MACROD2: variants seen among roughly 807,000 people sequenced by gnomAD.
The protein encoded by MACROD2 is ADP-ribose glycohydrolase MACROD2.
MACROD2 carries 36 observed loss-of-function variants against 70.4 expected under a neutral mutation model. The observed-to-expected ratio is 0.51, with a 90% confidence interval of 0.39 to 0.68. The LOEUF (loss-of-function observed/expected upper bound fraction) is 0.68. MACROD2 is among the 30% of genes least tolerant of loss of function. MACROD2 has a pLI of 0.00. For missense variants in MACROD2, 496 were observed against 538.4 expected, an observed-to-expected ratio of 0.92 and a Z score of 0.78; for synonymous variants, 172 against 178.8, an observed-to-expected ratio of 0.96 and a Z score of 0.30.
chr20:14,571,648 T>C (rs1980200606), intron 4 of MACROD2, among the ~76,000 whole-genome samples: 2 of 152,102 alleles, frequency 1.3e-5, no homozygotes, highest in South Asian at 4.1e-4. Flanking sequence ...TTAAGCATTT[T>C]TAATATTCCA....
chr20:14,243,515 A>G (rs1217038246), intron 3 of MACROD2, among the ~76,000 whole-genome samples: 2 of 152,180 alleles, frequency 1.3e-5, no homozygotes, highest in East Asian at 1.9e-4. Flanking sequence ...TCTCTTCTTT[A>G]TATCAGATTA....
intron 5 of MACROD2, among the ~76,000 whole-genome samples, chr20:14,716,811 G>C (rs1189242092): frequency 6.6e-6 from 1 of 151,992 alleles, no homozygotes; most frequent in African/African-American, 2.4e-5. Context: ...GCTGATGAAC[G>C]AGACTAGCTT....
Position 15,869,238 on chromosome 20 carries a change from T to TATATATATAG in MACROD2, c.727+6413_727+6414insTATATATAGA. On this transcript the variant is annotated intron_variant, in intron 9 of 17. Coordinates refer to ENST00000684519, the MANE Select transcript of MACROD2 (RefSeq NM_001351661.2). The stretch of plus-strand genomic sequence containing the variant: ...ATATATATATATATATATATATATA[T>TATATATATAG]AGAGAGAGAGAGAGAGAGAGAGAGA... Among the ~76,000 whole-genome samples the TATATATATAG allele has an allele frequency of 1.2e-3, 35 of 28,292 alleles. 1 individual carries two copies. Among genetic ancestry groups the TATATATATAG allele is most frequent in the Non-Finnish European group, 1.8e-3 (24 of 13,030 alleles). 18.6% of individuals were successfully genotyped at this position (28,292 alleles called of 152,430 possible).
At chr20:15,376,281 A>G (rs2146269459) in intron 6 of MACROD2, among the ~76,000 whole-genome samples, 1 of 152,332 alleles carries the variant, frequency 6.6e-6, no homozygotes, top group East Asian at 1.9e-4. Context: ...AGAAAAGTAT[A>G]TAAATATCAG....
At chr20:15,832,593 A>T (rs576870433) in intron 8 of MACROD2, among the ~76,000 whole-genome samples, 2 of 152,194 alleles carry the variant, frequency 1.3e-5, no homozygotes, top group African/African-American at 2.4e-5. Flanking sequence ...ACACCCATAC[A>T]TATTCCCGTT....
At chr20:15,123,501 A>T (rs1017064176) in intron 5 of MACROD2, among the ~76,000 whole-genome samples, 7 of 152,236 alleles carry the variant, frequency 4.6e-5, no homozygotes. Flanking sequence ...TTAGTATATA[A>T]TAATAATGTA....
chr20:15,792,689 A>G (rs1012192501), intron 8 of MACROD2, among the ~76,000 whole-genome samples: 1 of 152,210 alleles, frequency 6.6e-6, no homozygotes, highest in Non-Finnish European at 1.5e-5. Flanking sequence ...ATCCAGAAAA[A>G]TAGCCACTGT....
At chr20:14,755,480 C>T (rs2071928235) in intron 5 of MACROD2, among the ~76,000 whole-genome samples, 1 of 152,080 alleles carries the variant, frequency 6.6e-6, no homozygotes, top group African/African-American at 2.4e-5. Flanking sequence ...CTGAGAACTG[C>T]AGCCCTCATG....
In MACROD2 at chr20:14,142,583, T is replaced by C. The variant is rs185171975; in HGVS notation, c.271+56855T>C. On this transcript the variant is annotated intron_variant, in intron 3 of 17. Transcript: ENST00000684519. ...CATTATGAAGCTGCCACCACACTTATTATTTTGCTACATAAGAAATTAGTA... is the reference window on the plus strand; with the variant it reads ...CATTATGAAGCTGCCACCACACTTACTATTTTGCTACATAAGAAATTAGTA... Among the ~76,000 whole-genome samples the C allele has an allele frequency of 3.0e-4, 46 of 152,324 alleles. 1 individual carries two copies. The highest frequency in any genetic ancestry group is 2.5e-3 in the Admixed American group (39 of 15,300).
intron 10 of MACROD2, among the ~76,000 whole-genome samples, chr20:15,908,682 A>G (rs2065185790): frequency 6.6e-6 from 1 of 152,054 alleles, no homozygotes; most frequent in Non-Finnish European, 1.5e-5. Context: ...ACTCAGCAAC[A>G]GTGTCTGCCC....
At chr20:14,679,751 G>A (rs2070908473) in intron 4 of MACROD2, among the ~76,000 whole-genome samples, 1 of 151,438 alleles carries the variant, frequency 6.6e-6, no homozygotes. Flanking sequence ...TTTTTTTCAA[G>A]TGCCACAAAT....
chr20:15,382,610 C>T lies in MACROD2; in HGVS notation c.541-48795C>T, dbSNP rs145321531. Among the ~76,000 whole-genome samples, 293 of 152,164 alleles carry T rather than the reference C, an allele frequency of 1.9e-3. 1 individual carries two copies. The highest frequency in any genetic ancestry group is 6.8e-3 in the Middle Eastern group (2 of 294). ...TCAGAGAAGCTGTATATATAAATTG[C>T]TTTTAATATAAATATTCTTTTGGTA... On this transcript the variant is annotated intron_variant, in intron 6 of 17. Coordinates refer to ENST00000684519, the MANE Select transcript of MACROD2 (RefSeq NM_001351661.2).
rs114550372 is a variant in MACROD2, at chr20:15,405,785, A to C, written c.541-25620A>C. On this transcript the variant is annotated intron_variant, in intron 6 of 17. Transcript: ENST00000684519. ...CTGTCCATTCTCTTGCTCTCTTGAA[A>C]TTCTCCTTTGCAACAGCTTTTACCA... Among the ~76,000 whole-genome samples, 954 of 152,204 alleles carry C rather than the reference A, an allele frequency of 6.3e-3. 6 individuals carry two copies. Among genetic ancestry groups the C allele is most frequent in the African/African-American group, 0.022 (911 of 41,530 alleles).
chr20:15,833,098 G>T (rs889904135), intron 8 of MACROD2, among the ~76,000 whole-genome samples: 1 of 152,166 alleles, frequency 6.6e-6, no homozygotes, highest in Non-Finnish European at 1.5e-5. Flanking sequence ...CATTAACATG[G>T]CATTCTACAG....
intron 5 of MACROD2, among the ~76,000 whole-genome samples, chr20:14,694,918 C>A (rs1004903750): frequency 6.6e-6 from 1 of 152,150 alleles, no homozygotes; most frequent in Non-Finnish European, 1.5e-5. Context: ...TTCTGGAGAG[C>A]TAGAGCTTAA....
At chr20:14,105,413 C>T (rs1287643863) in intron 3 of MACROD2, among the ~76,000 whole-genome samples, 1 of 152,178 alleles carries the variant, frequency 6.6e-6, no homozygotes, top group Non-Finnish European at 1.5e-5. Flanking sequence ...CACAGCTATG[C>T]TGGGCTCAGC....
At chr20:14,387,672 A>T (rs1416341266) in intron 3 of MACROD2, among the ~76,000 whole-genome samples, 1 of 152,212 alleles carries the variant, frequency 6.6e-6, no homozygotes, top group Non-Finnish European at 1.5e-5. Flanking sequence ...AACAAGCCAT[A>T]CCAAGTACAT....
At chr20:14,064,008 A>G (rs1280474971) in intron 2 of MACROD2, among the ~76,000 whole-genome samples, 1 of 152,190 alleles carries the variant, frequency 6.6e-6, no homozygotes, top group Non-Finnish European at 1.5e-5. Flanking sequence ...ATTATACGCA[A>G]GAGCCACTGA....
At chr20:14,782,111 A>G (rs2072309679) in intron 5 of MACROD2, among the ~76,000 whole-genome samples, 1 of 151,862 alleles carries the variant, frequency 6.6e-6, no homozygotes, top group Non-Finnish European at 1.5e-5. Context: ...TTTAGTAGAG[A>G]TGGGGTTTCA....
Sources: gnomAD v4.1 joint callset for allele counts (sites outside exome capture counted in the v4.1 genomes callset) on GRCh38, gnomAD v4.1.1 for gene constraint, MANE v1.5 for transcripts, NCBI Gene and HGNC (gene_info 2026-07-23, HGNC 2026-07-21) for gene names.